SI: variants seen among roughly 807,000 people sequenced by gnomAD.
SI encodes sucrase-isomaltase, intestinal.
SI carries 235 observed loss-of-function variants against 253.3 expected under a neutral mutation model. That is an observed-to-expected ratio of 0.93 (90% CI 0.83 to 1.03). The LOEUF is 1.03. SI is among the 50% of genes least tolerant of loss of function. SI has a pLI of 0.00. For missense variants in SI, 2,442 were observed against 2,211.1 expected (o/e 1.10, Z -2.09); for synonymous variants, 819 against 712.0 (o/e 1.15, Z -2.39).
intron 16 of SI, among the ~76,000 whole-genome samples, chr3:165,045,442 C>T (rs1713051115): frequency 6.6e-6 from 1 of 152,048 alleles, no homozygotes; most frequent in African/African-American, 2.4e-5. Flanking sequence ...TACTAAAATA[C>T]ATTTGAATAT....
At chr3:165,062,710 G>A (rs1714046349) in intron 8 of SI, among the ~76,000 whole-genome samples, 2 of 151,984 alleles carry the variant, frequency 1.3e-5, no homozygotes, top group East Asian at 1.9e-4. Context: ...TTTCACAGGT[G>A]GTGGCAAAAG....
At chr3:165,001,312 A>G (rs1718245178) in intron 37 of SI, among the ~76,000 whole-genome samples, 1 of 151,440 alleles carries the variant, frequency 6.6e-6, no homozygotes, top group Non-Finnish European at 1.5e-5. Context: ...TTTTCATGAA[A>G]ACAACTCTTT....
upstream of SI, among the ~76,000 whole-genome samples, chr3:165,079,024 A>G (rs923771069): frequency 1.3e-5 from 2 of 151,708 alleles, no homozygotes; most frequent in African/African-American, 4.8e-5. Context: ...TGCCCAGATC[A>G]GTAATTTAGA....
chr3:165,049,980 T>C (rs1713344350), intron 13 of SI, 105 bp from the exon 14 acceptor site: 1 of 732,286 alleles, frequency 1.4e-6, no homozygotes, highest in African/African-American at 1.8e-5. Flanking sequence ...ATAACCATAA[T>C]GCTCGTTAAT....
intron 15 of SI, 111 bp from the exon 16 acceptor site, chr3:165,047,123 C>G: frequency 1.3e-6 from 1 of 798,180 alleles, no homozygotes; most frequent in Non-Finnish European, 2.0e-6. Context: ...TGGCTGTGTC[C>G]CCACCCAAAT....
intron 45 of SI, among the ~76,000 whole-genome samples, chr3:164,986,390 G>A (rs1017673511): frequency 1.3e-5 from 2 of 152,144 alleles, no homozygotes; most frequent in Admixed American, 6.5e-5. Flanking sequence ...CCATGAAGAA[G>A]TTAACAACCT....
chr3:165,004,892 C>A (rs963392763), intron 37 of SI, among the ~76,000 whole-genome samples: 1 of 152,094 alleles, frequency 6.6e-6, no homozygotes, highest in Admixed American at 6.6e-5. Flanking sequence ...CAATCCCCAC[C>A]TGTCAAGGGA....
chr3:165,047,711 A>G (rs1157584941), intron 15 of SI, among the ~76,000 whole-genome samples: 1 of 152,102 alleles, frequency 6.6e-6, no homozygotes, highest in Admixed American at 6.6e-5. Context: ...ATTCCCTTAT[A>G]AATAGAAAAT....
intron 29 of SI, 40 bp downstream of exon 29, chr3:165,017,930 T>A: frequency 6.3e-7 from 1 of 1,581,854 alleles, no homozygotes; most frequent in Admixed American, 1.7e-5. Context: ...TATGAAAAAG[T>A]CACATAAAAT....
At chr3:165,014,758 ATGT>A (rs1253765276) in intron 33 of SI, among the ~76,000 whole-genome samples, 1 of 152,138 alleles carries the variant, frequency 6.6e-6, no homozygotes, top group Non-Finnish European at 1.5e-5. Context: ...CTGTCAAAAC[ATGT>A]TGTTGCTACT....
At chr3:164,986,139 T>C (rs750440351) in intron 45 of SI, among the ~76,000 whole-genome samples, 3 of 152,156 alleles carry the variant, frequency 2.0e-5, no homozygotes, top group Admixed American at 6.5e-5. Context: ...GCACCACTTG[T>C]ACATTTTGGG....
At chr3:165,017,154 T>A (rs909822138) in intron 31 of SI, among the ~76,000 whole-genome samples, 8 of 151,772 alleles carry the variant, frequency 5.3e-5, no homozygotes, top group Non-Finnish European at 1.2e-4. Context: ...AAAAAAAAAA[T>A]TAGTTCCACC....
intron 16 of SI, 120 bp from the exon 17 acceptor site, chr3:165,043,295 T>C: frequency 1.4e-6 from 1 of 690,230 alleles, no homozygotes; most frequent in East Asian, 2.8e-5. Context: ...ACTCCTTTTA[T>C]ATATGCTTCC....
the SI span, among the ~76,000 whole-genome samples, chr3:165,084,984 C>T: frequency 1.9e-3 from 290 of 152,126 alleles, 8 homozygotes; most frequent in East Asian, 0.039. Context: ...AAACTTGTGG[C>T]CATATTTCTT....
chr3:165,070,049 G>GAC (rs375210663), intron 3 of SI, among the ~76,000 whole-genome samples: 8 of 146,148 alleles, frequency 5.5e-5, no homozygotes, highest in Admixed American at 3.5e-4. Context: ...ATCAGATACA[G>GAC]ACACACACAC....
intron 35 of SI, 115 bp from the exon 36 acceptor site, chr3:165,008,113 C>T: frequency 1.8e-6 from 1 of 556,738 alleles, no homozygotes. Context: ...GTTATATATA[C>T]TCACTATTCT....
chr3:165,059,762 A>C (rs1424451813), intron 10 of SI, 140 bp downstream of exon 10: 1 of 863,178 alleles, frequency 1.2e-6, no homozygotes, highest in Admixed American at 2.0e-5. Context: ...GAGATAAAAT[A>C]TACTTTACAA....
At chr3:165,009,212 G>A in intron 35 of SI, 67 bp downstream of exon 35, 2 of 1,017,782 alleles carry the variant, frequency 2.0e-6, no homozygotes, top group Admixed American at 1.7e-5. Context: ...TTTGAGCCAA[G>A]TACTAATTTT....
chr3:164,981,074 T>C (rs1318105918), intron 47 of SI, among the ~76,000 whole-genome samples: 1 of 152,052 alleles, frequency 6.6e-6, no homozygotes, highest in East Asian at 1.9e-4. Flanking sequence ...TTCTGGAATT[T>C]TATAAATCAG....
Sources: gnomAD v4.1 joint callset for allele counts (sites outside exome capture counted in the v4.1 genomes callset) on GRCh38, gnomAD v4.1.1 for gene constraint, MANE v1.5 for transcripts, NCBI Gene and HGNC (gene_info 2026-07-23, HGNC 2026-07-21) for gene names.